The following DOCK8 variants were observed in gnomAD, a reference collection of about 807,000 sequenced individuals.
DOCK8 encodes dedicator of cytokinesis protein 8.
DOCK8 carries 141 observed loss-of-function variants against 245.6 expected under a neutral mutation model. That is an observed-to-expected ratio of 0.57 (90% CI 0.50 to 0.66). The LOEUF (loss-of-function observed/expected upper bound fraction) is 0.66, where lower values mean the gene tolerates loss of function less well. Among genes scored for constraint, DOCK8 ranks in the 30% least tolerant of loss-of-function variants. DOCK8 has a pLI of 0.00. For synonymous variants in DOCK8, 1,168 were observed against 970.2 expected (o/e 1.20, Z -3.79); for missense variants, 2,965 against 2,603.4 (o/e 1.14, Z -3.02).
chr9:274,381 A>G (rs2048261603), intron 2 of DOCK8, among the ~76,000 whole-genome samples: 1 of 151,484 alleles, frequency 6.6e-6, no homozygotes, highest in South Asian at 2.1e-4. Flanking sequence ...CTCTTTTCCC[A>G]TCTCTTGACT....
intron 4 of DOCK8, among the ~76,000 whole-genome samples, chr9:300,980 C>G (rs1313347424): frequency 6.6e-6 from 1 of 152,148 alleles, no homozygotes; most frequent in Admixed American, 6.5e-5. Context: ...GGACTCCTCT[C>G]TAACTCATTC....
At chr9:211,848 A>T (rs1244089862), upstream of DOCK8, among the ~76,000 whole-genome samples, 2 of 152,204 alleles carry the variant, frequency 1.3e-5, no homozygotes, top group African/African-American at 2.4e-5. Flanking sequence ...GGATGACTCC[A>T]AAGTTTTAAA....
At chr9:300,570 A>G (rs1344154150) in intron 4 of DOCK8, among the ~76,000 whole-genome samples, 1 of 152,210 alleles carries the variant, frequency 6.6e-6, no homozygotes, top group Non-Finnish European at 1.5e-5. Context: ...GATTCAAAAA[A>G]AAAACAAGGT....
chr9:331,125 A>G (rs2050990115), intron 9 of DOCK8, among the ~76,000 whole-genome samples: 1 of 152,200 alleles, frequency 6.6e-6, no homozygotes, highest in African/African-American at 2.4e-5. Flanking sequence ...TTGTTCTACA[A>G]GCTCCTGACT....
rs989264840 is a variant in DOCK8, at chr9:371,355, T to G, written c.1869-73T>G. The G allele has an allele frequency of 3.8e-6, 6 of 1,571,472 alleles. No individual in the cohort carries two copies. In the African/African-American group the frequency reaches 8.1e-5, roughly 21 times the overall value. On this transcript the variant is annotated intron_variant, in intron 16 of 47. Coordinates refer to ENST00000432829, the MANE Select transcript of DOCK8 (RefSeq NM_203447.4). The stretch of plus-strand genomic sequence containing the variant: ...GGCAAATTCTGAGGAGCAAAGGGGC[T>G]GTGGCGTTTTACAATCAGAGAAGTC...
chr9:354,694 G>A (rs1235772030), intron 14 of DOCK8, among the ~76,000 whole-genome samples: 2 of 152,152 alleles, frequency 1.3e-5, no homozygotes, highest in African/African-American at 2.4e-5. Flanking sequence ...AGTTGCTCAC[G>A]GGTTGTTAGG....
At chr9:332,648 CTTTTTTTTT>C (rs35539095) in intron 10 of DOCK8, among the ~76,000 whole-genome samples, 170 bp downstream of exon 10, 1 of 63,942 alleles carries the variant, frequency 1.6e-5, no homozygotes, top group African/African-American at 6.8e-5. Context: ...CCGATGATGA[CTTTTTTTTT>C]TTTTTTTTTT....
intron 14 of DOCK8, among the ~76,000 whole-genome samples, chr9:356,233 G>C (rs1230895094): frequency 6.6e-6 from 1 of 152,062 alleles, no homozygotes; most frequent in Non-Finnish European, 1.5e-5. Context: ...AAAAAATGTA[G>C]AGTAAAAAAT....
chr9:463,454 G>C (rs2057868414), intron 46 of DOCK8, 63 bp from the exon 47 acceptor site: 1 of 1,587,790 alleles, frequency 6.3e-7, no homozygotes, highest in Non-Finnish European at 8.6e-7. Context: ...TAATTTCATT[G>C]TTCTCAGATT....
chr9:419,451 C>T (rs2056181637), intron 30 of DOCK8, among the ~76,000 whole-genome samples: 1 of 152,182 alleles, frequency 6.6e-6, no homozygotes, highest in African/African-American at 2.4e-5. Flanking sequence ...CATTATTTGC[C>T]TCTAAGGGAA....
chr9:271,795 G>T (rs879412542), intron 2 of DOCK8, 66 bp downstream of exon 2: 5 of 1,109,884 alleles, frequency 4.5e-6, no homozygotes, highest in Non-Finnish European at 6.6e-6. Flanking sequence ...GTATGTGTTT[G>T]CCTCCTGTTC....
At chr9:346,698 A>G (rs2051905682) in intron 14 of DOCK8, among the ~76,000 whole-genome samples, 1 of 152,154 alleles carries the variant, frequency 6.6e-6, no homozygotes, top group South Asian at 2.1e-4. Context: ...TCAGACCAGA[A>G]GTCTGATCTG....
intron 18 of DOCK8, 58 bp from the exon 19 acceptor site, chr9:376,152 G>T: frequency 1.6e-6 from 2 of 1,240,568 alleles, no homozygotes; most frequent in Non-Finnish European, 2.4e-6. Flanking sequence ...TGCATTGCTT[G>T]TTAGTAATCA....
In DOCK8 at chr9:433,891, G is replaced by A; in HGVS notation, c.4802G>A (p.Cys1601Tyr). 1.2e-6 allele frequency: 2 copies of A among 1,613,984 alleles called. No individual in the cohort carries two copies. Among genetic ancestry groups the A allele is most frequent in the Non-Finnish European group, 1.7e-6 (2 of 1,179,886 alleles). Residue 1601 changes from cysteine to tyrosine, a missense_variant, in exon 38 of 48, where the codon TGT (cysteine) becomes TAT (tyrosine). Physicochemically the swap from Cys to Tyr is radical, Grantham distance 194. Transcript: ENST00000432829. ...PFPTQVEELL[C>Y]NLNSILYDTV... is the part of the protein sequence containing the mutation. ...TTTTTGCAGGTGGAGGAACTTCTCTGTAATCTGAATAGCATCTTATATGAC... is the reference window on the plus strand; with the variant it reads ...TTTTTGCAGGTGGAGGAACTTCTCTATAATCTGAATAGCATCTTATATGAC...
At chr9:329,173 A>G (rs567246438) in intron 9 of DOCK8, among the ~76,000 whole-genome samples, 1 of 152,168 alleles carries the variant, frequency 6.6e-6, no homozygotes, top group South Asian at 2.1e-4. Flanking sequence ...GCTGATCTCA[A>G]ACTCCTGATC....
At chr9:304,184 A>G (rs1287109440) in intron 4 of DOCK8, among the ~76,000 whole-genome samples, 4 of 152,140 alleles carry the variant, frequency 2.6e-5, no homozygotes, top group African/African-American at 9.7e-5. Context: ...GTGAAGATTA[A>G]ATGGTTTTCT....
chr9:250,498 C>G (rs1329200397), intron 1 of DOCK8, among the ~76,000 whole-genome samples: 1 of 152,124 alleles, frequency 6.6e-6, no homozygotes, highest in Non-Finnish European at 1.5e-5. Context: ...CCTCTGATAC[C>G]ACACCATACT....
intron 23 of DOCK8, 101 bp from the exon 24 acceptor site, chr9:390,370 A>G: frequency 3.7e-6 from 4 of 1,094,196 alleles, no homozygotes; most frequent in South Asian, 1.3e-5. Context: ...TTCAGGAACG[A>G]ACAAGCTATT....
Position 325,692 on chromosome 9 carries a change from CCT to C in DOCK8, c.850_851del (p.Leu284ValfsTer10), listed in dbSNP as rs762990689. 8 of 1,613,848 alleles carry C rather than the reference CCT, an allele frequency of 5.0e-6. No individual in the cohort carries two copies. The highest frequency in any genetic ancestry group is 3.3e-5 in the Admixed American group (2 of 59,988). ...GTAGGTTCGAGATTGAAATTGAGCC[CCT>C]GTTTGCCAGCATTGCCCTCTACGAT... is the stretch of plus-strand genomic sequence containing the variant. Reference protein sequence around the residue: ...TLKFEIEIEPLFASIALYDVK... With the variant: ...TLKFEIEIEPXFASIALYDVK... On this transcript the variant is annotated frameshift_variant, in exon 8 of 48. Coordinates refer to ENST00000432829, the MANE Select transcript of DOCK8 (RefSeq NM_203447.4). LOFTEE classifies it high-confidence loss of function.
Sources: gnomAD v4.1 joint callset for allele counts (sites outside exome capture counted in the v4.1 genomes callset) on GRCh38, gnomAD v4.1.1 for gene constraint, MANE v1.5 for transcripts, NCBI Gene and HGNC (gene_info 2026-07-23, HGNC 2026-07-21) for gene names.